Variants in SSBP4 observed in about 807,000 individuals in gnomAD.
The protein encoded by SSBP4 is single stranded DNA binding protein 4, also known as single-stranded DNA-binding protein 4.
SSBP4 carries 33 observed loss-of-function variants against 64.6 expected under a neutral mutation model. The ratio of observed to expected loss-of-function variants is 0.51; its 90% CI spans 0.39 to 0.68. SSBP4 has a LOEUF of 0.68. Ranked by LOEUF, SSBP4 falls within the 30% of genes least tolerant of loss-of-function variation. SSBP4 has a pLI of 0.00. For synonymous variants in SSBP4, 243 were observed against 224.0 expected (o/e 1.08, Z -0.76); for missense variants, 583 against 566.8 (o/e 1.03, Z -0.29).
In SSBP4 at chr19:18,434,172, G is replaced by A. The variant is rs542634450; in HGVS notation, c.1129-45G>A. 16 of 1,608,868 alleles carry A rather than the reference G, an allele frequency of 9.9e-6. No individual in the cohort carries two copies. In the East Asian group the frequency reaches 2.9e-4, roughly 29 times the overall value. The stretch of plus-strand genomic sequence containing the variant: ...TGGGGGCGGGTCCCAGCCTCTTCCG[G>A]AGCTGAACTCGGCCCCTGCGCGCTG... On this transcript the variant is annotated intron_variant, in intron 17 of 17. Transcript: ENST00000270061.
Position 18,432,140 on chromosome 19 carries a change from T to C in SSBP4, c.637-7T>C. 6.2e-7 allele frequency: 1 copy of C among 1,612,878 alleles called. No individual in the cohort carries two copies. Among genetic ancestry groups the C allele is most frequent in the Non-Finnish European group, 8.5e-7 (1 of 1,179,814 alleles). ...GTCTACCCCTCACAGCCCCTTTGCC[T>C]CCGCAGAGCTATGGAGGTGGCATGC... On this transcript the variant is annotated splice_region_variant and splice_polypyrimidine_tract_variant and intron_variant, in intron 9 of 17. Coordinates refer to ENST00000270061, the MANE Select transcript of SSBP4 (RefSeq NM_032627.5).
the SSBP4 span, among the ~76,000 whole-genome samples, chr19:18,403,313 G>A: frequency 6.6e-6 from 1 of 152,218 alleles, no homozygotes; most frequent in South Asian, 2.1e-4. Context: ...AGAGACTGGT[G>A]CCAGTGCAGG....
At chr19:18,429,378 G>A (rs1973146145) in intron 4 of SSBP4, among the ~76,000 whole-genome samples, 1 of 152,252 alleles carries the variant, frequency 6.6e-6, no homozygotes. Flanking sequence ...ATTGACGTAG[G>A]GGGTCTGGCC....
In SSBP4 at chr19:18,419,529, G is replaced by C. The variant is rs1395459712; in HGVS notation, c.-120G>C. Reference sequence around the variant, plus strand: ...CTCCCCCGCGCGGACGATGCCTGCCGTGCCCGCCTGGGGCTCGGGGCGGTG... The same window carrying C: ...CTCCCCCGCGCGGACGATGCCTGCCCTGCCCGCCTGGGGCTCGGGGCGGTG... On this transcript the variant is annotated 5_prime_UTR_variant, in exon 1 of 18. Coordinates refer to ENST00000270061, the MANE Select transcript of SSBP4 (RefSeq NM_032627.5). 8.9e-6 allele frequency: 10 copies of C among 1,127,510 alleles called. No individual in the cohort carries two copies. The highest frequency in any genetic ancestry group is 1.1e-5 in the Non-Finnish European group (10 of 919,794). 69.8% of individuals were successfully genotyped at this position (1,127,510 alleles called of 1,614,324 possible). A position where few individuals can be genotyped will look rare whatever the true frequency, so the allele number is the denominator to read the frequency against.
upstream of SSBP4, among the ~76,000 whole-genome samples, chr19:18,414,577 A>G (rs1270673941): frequency 6.6e-6 from 1 of 152,176 alleles, no homozygotes. Flanking sequence ...CCCAAGGGTT[A>G]GTATGACTCT....
intron 6 of SSBP4, 107 bp downstream of exon 6, chr19:18,431,525 C>T: frequency 1.4e-6 from 2 of 1,388,418 alleles, no homozygotes; most frequent in African/African-American, 1.5e-5. Flanking sequence ...GCTGGCCGGG[C>T]TTTGCTGGCT....
chr19:18,403,529 G>C, the SSBP4 span, among the ~76,000 whole-genome samples: 1 of 152,058 alleles, frequency 6.6e-6, no homozygotes, highest in African/African-American at 2.4e-5. Context: ...CCAGAGGTCT[G>C]GGAGTCTTGG....
At chr19:18,404,031 A>C in the SSBP4 span, among the ~76,000 whole-genome samples, 1 of 151,702 alleles carries the variant, frequency 6.6e-6, no homozygotes, top group East Asian at 1.9e-4. Context: ...CCCCAGACAG[A>C]GAGACACCAG....
rs529256032 is a variant in SSBP4 at position 18,427,176 on chromosome 19, G to A, written c.60-175G>A. 6.6e-6 allele frequency among the ~76,000 whole-genome samples: 1 copy of A among 152,144 alleles called. No individual in the cohort carries two copies. The highest frequency in any genetic ancestry group is 2.4e-5 in the African/African-American group (1 of 41,422). On this transcript the variant is annotated intron_variant, in intron 1 of 17. Coordinates refer to ENST00000270061, the MANE Select transcript of SSBP4 (RefSeq NM_032627.5). The surrounding 1 kb of genome is among the most constrained non-coding windows in gnomAD (Gnocchi z 4.4). ...AGCCGAATTCGGCCCGGAATTGGGGGTCACGGATGCCTGGGAGGGGCCTGC... is the reference window on the plus strand; with the variant it reads ...AGCCGAATTCGGCCCGGAATTGGGGATCACGGATGCCTGGGAGGGGCCTGC...
chr19:18,432,916 G>T (rs371012452), intron 13 of SSBP4, 33 bp downstream of exon 13: 13 of 1,614,072 alleles, frequency 8.1e-6, no homozygotes, highest in Non-Finnish European at 1.1e-5. Flanking sequence ...GGTGTGCTAG[G>T]GTGGGTGTGT....
chr19:18,427,509 C>T lies in SSBP4; in HGVS notation c.132+86C>T, dbSNP rs534468958. 3.4e-5 allele frequency: 51 copies of T among 1,492,264 alleles called. No homozygotes were observed. The Admixed American group carries it at 6.8e-4, about 20-fold the overall frequency. 92.4% of individuals were successfully genotyped at this position (1,492,264 alleles called of 1,614,324 possible). A position where few individuals can be genotyped will look rare whatever the true frequency, so the allele number is the denominator to read the frequency against. On this transcript the variant is annotated intron_variant, in intron 2 of 17. Coordinates refer to ENST00000270061, the MANE Select transcript of SSBP4 (RefSeq NM_032627.5). This position sits in a 1 kb window ranked among gnomAD's most constrained non-coding sequence, Gnocchi z 4.4. ...TCCACTGGGGATCCAGGGGGTGGGC[C>T]CGCGTTGCCCCTCTGATGGCCCTGG...
chr19:18,434,016 G>A, intron 17 of SSBP4, 199 bp downstream of exon 17: 1 of 854,882 alleles, frequency 1.2e-6, no homozygotes, highest in Non-Finnish European at 1.4e-6. Flanking sequence ...TCACCGTCCC[G>A]ATCCCATCCG....
chr19:18,420,079 T>G (rs1361364739), intron 1 of SSBP4: 1 of 125,188 alleles, frequency 8.0e-6, no homozygotes, highest in African/African-American at 3.1e-5. Context: ...TCGCGAGGCC[T>G]CCTCGAGACG....
chr19:18,430,758 C>T, intron 4 of SSBP4, 83 bp from the exon 5 acceptor site: 2 of 1,188,356 alleles, frequency 1.7e-6, no homozygotes, highest in South Asian at 1.5e-5. Flanking sequence ...GGGCCGGCCA[C>T]CTGCAGAGAG....
the SSBP4 span, among the ~76,000 whole-genome samples, chr19:18,407,247 A>C: frequency 6.6e-6 from 1 of 151,914 alleles, no homozygotes. Flanking sequence ...CTTGTTGGCC[A>C]GGCTGGTCTC....
At position 18,419,402 on chromosome 19, in the gene SSBP4, C is replaced by G; in HGVS notation, c.-247C>G. The G allele has an allele frequency of 9.7e-7, 1 of 1,034,360 alleles. No individual in the cohort carries two copies. Among genetic ancestry groups the G allele is most frequent in the Non-Finnish European group, 1.2e-6 (1 of 864,114 alleles). 64.1% of individuals were successfully genotyped at this position (1,034,360 alleles called of 1,614,324 possible). ...GGCGGGAGGAGGGGAGCGCGCGTTTCCCGGAACAGCCCGCGCGGAGGAAAG... is the reference window on the plus strand; with the variant it reads ...GGCGGGAGGAGGGGAGCGCGCGTTTGCCGGAACAGCCCGCGCGGAGGAAAG... On this transcript the variant is annotated 5_prime_UTR_variant, in exon 1 of 18. Transcript: ENST00000270061.
chr19:18,431,507 T>G, intron 6 of SSBP4, 89 bp downstream of exon 6: 1 of 1,268,108 alleles, frequency 7.9e-7, no homozygotes, highest in Non-Finnish European at 1.1e-6. Context: ...AGGTCCTGGC[T>G]GGTGCCAGCT....
At chr19:18,422,262 G>A (rs541201311) in intron 1 of SSBP4, among the ~76,000 whole-genome samples, 3 of 152,320 alleles carry the variant, frequency 2.0e-5, no homozygotes, top group African/African-American at 7.2e-5. Flanking sequence ...GTGGTAGGGT[G>A]AGGGGGTTAG....
At chr19:18,416,583 C>T (rs1333742894), upstream of SSBP4, among the ~76,000 whole-genome samples, 3 of 152,206 alleles carry the variant, frequency 2.0e-5, no homozygotes, top group Non-Finnish European at 2.9e-5. Context: ...CTCACCCCCT[C>T]CCCTCTGGGC....
Sources: gnomAD v4.1 joint callset for allele counts (sites outside exome capture counted in the v4.1 genomes callset) on GRCh38, gnomAD v4.1.1 for gene constraint, Gnocchi (gnomAD v3.1) non-coding constraint, MANE v1.5 for transcripts, NCBI Gene and HGNC (gene_info 2026-07-23, HGNC 2026-07-21) for gene names.